PNPLA7: variants seen among roughly 807,000 people sequenced by gnomAD.
PNPLA7 encodes the protein patatin like domain 7, lysophospholipase.
Under a neutral mutation model 161.7 loss-of-function variants are expected in PNPLA7, and 153 were observed. The ratio of observed to expected loss-of-function variants is 0.95; its 90% CI spans 0.83 to 1.08. The LOEUF (loss-of-function observed/expected upper bound fraction) is 1.08, where lower values mean the gene tolerates loss of function less well. Ranked by LOEUF, PNPLA7 falls within the 50% of genes least tolerant of loss-of-function variation. PNPLA7 has a pLI of 0.00. For synonymous variants in PNPLA7, 809 were observed against 782.1 expected, an observed-to-expected ratio of 1.03 and a Z score of -0.57; for missense variants, 1,739 against 1,856.6, an observed-to-expected ratio of 0.94 and a Z score of 1.16.
At chr9:137,515,297 G>C (rs1834470429) in intron 12 of PNPLA7, 82 bp downstream of exon 12, 1 of 1,515,640 alleles carries the variant, frequency 6.6e-7, no homozygotes, top group Non-Finnish European at 8.9e-7. Flanking sequence ...GGCGATGCTG[G>C]GCATCAGTGC....
rs145413682 is a variant in PNPLA7 at position 137,462,710 on chromosome 9, C to T, written c.3467G>A (p.Trp1156Ter). 249 of 1,613,800 alleles carry T rather than the reference C, an allele frequency of 1.5e-4. 2 individuals carry two copies. The highest frequency in any genetic ancestry group is 5.0e-5 in the Admixed American group (3 of 59,990). Reference sequence around the variant, plus strand: ...CTTGACTTTCGTGGCCAAGGGGTTCCAGCGTTTCCACAGCAGCCACCACCC... The same window carrying T: ...CTTGACTTTCGTGGCCAAGGGGTTCTAGCGTTTCCACAGCAGCCACCACCC... ...LSGWWLLWKR[W>*]NPLATKVKVL... is the part of the protein sequence containing the mutation. The change falls in exon 30 of 35, where the codon TGG (tryptophan) becomes TAG (stop). Residue 1156 changes from tryptophan to a stop codon, truncating the protein, a stop_gained. Transcript: ENST00000406427. LOFTEE classifies it high-confidence loss of function.
chr9:137,477,694 C>T (rs781397467), intron 25 of PNPLA7, among the ~76,000 whole-genome samples: 8 of 152,236 alleles, frequency 5.3e-5, no homozygotes, highest in African/African-American at 1.2e-4. Flanking sequence ...CTGCCCGCCT[C>T]GGCCTCCCAA....
Position 137,550,254 on chromosome 9 carries a change from G to C in PNPLA7, c.-57C>G, listed in dbSNP as rs1006298499. 1 of 1,595,626 alleles carries C rather than the reference G, an allele frequency of 6.3e-7. No individual in the cohort carries two copies. Among genetic ancestry groups the C allele is most frequent in the Admixed American group, 1.7e-5 (1 of 59,976 alleles). On this transcript the variant is annotated 5_prime_UTR_variant, in exon 1 of 35. Transcript: ENST00000406427. ...AAAGCAGACAGCCTGAAGCAAACAA[G>C]GGCACACCTCTACCCGCTCATGCTC...
chr9:137,515,520 C>G lies in PNPLA7; in HGVS notation c.1085-1G>C, dbSNP rs1320397935. 6.5e-7 allele frequency: 1 copy of G among 1,548,770 alleles called. No homozygotes were observed. Among genetic ancestry groups the G allele is most frequent in the East Asian group, 2.3e-5 (1 of 43,186 alleles). ...GCTGCCGGGCGGCCGCCCCCGTGATCTGCTGGGGAGGCAGCCGTAAGCAAC... is the reference window on the plus strand; with the variant it reads ...GCTGCCGGGCGGCCGCCCCCGTGATGTGCTGGGGAGGCAGCCGTAAGCAAC... On this transcript the variant is annotated splice_acceptor_variant, in intron 11 of 34. Coordinates refer to ENST00000406427, the MANE Select transcript of PNPLA7 (RefSeq NM_001098537.3). LOFTEE classifies it high-confidence loss of function.
At position 137,500,848 on chromosome 9, in the gene PNPLA7, G is replaced by T. The variant is rs368728423; in HGVS notation, c.1600C>A (p.Arg534=). The T allele has an allele frequency of 1.9e-6, 3 of 1,595,898 alleles. No individual in the cohort carries two copies. Among genetic ancestry groups the T allele is most frequent in the Non-Finnish European group, 2.6e-6 (3 of 1,173,404 alleles). ...VVSGLLHVYQ[R]KIGSQEDTCL... is the part of the protein sequence containing the mutation. ...GTGTCCTCCTGGCTGCCGATCTTCC[G>T]CTGGTACACGTGCAGCAGCCCCGAG... Residue 534 remains arginine (R), a synonymous_variant, in exon 16 of 35, where the codon CGG becomes AGG. Coordinates refer to ENST00000406427, the MANE Select transcript of PNPLA7 (RefSeq NM_001098537.3). The surrounding 1 kb of genome is among the most constrained non-coding windows in gnomAD (Gnocchi z 5.5).
rs1367259219 is a variant in PNPLA7 at position 137,520,947 on chromosome 9, C to T, written c.957+689G>A. Among the ~76,000 whole-genome samples the T allele has an allele frequency of 2.6e-5, 4 of 151,462 alleles. No homozygotes were observed. The highest frequency in any genetic ancestry group is 5.9e-5 in the Non-Finnish European group (4 of 67,860). ...ATGGGGAGGGGCAGCCTCTGCTGGA[C>T]GCGGACGTAGGGACCCCACGGGACG... On this transcript the variant is annotated intron_variant, in intron 10 of 34. Coordinates refer to ENST00000406427, the MANE Select transcript of PNPLA7 (RefSeq NM_001098537.3). The surrounding 1 kb of genome is among the most constrained non-coding windows in gnomAD (Gnocchi z 5.2).
rs746420232 is a variant in PNPLA7 at position 137,463,458 on chromosome 9, G to A, written c.3300C>T (p.Asp1100=). ...AGCCCCCGTCCATCAGCAGGTGTCC[G>A]TCCTTCGGGTCACAGAGAGGGGGCA... The part of the protein sequence containing the change: ...GYMPPLCDPK[D]GHLLMDGGYI... The change falls in exon 29 of 35, where the codon GAC becomes GAT. Residue 1100 remains aspartate, a synonymous_variant. Coordinates refer to ENST00000406427, the MANE Select transcript of PNPLA7 (RefSeq NM_001098537.3). 2.8e-5 allele frequency: 44 copies of A among 1,597,754 alleles called. 2 individuals carry two copies. In the South Asian group the frequency reaches 2.9e-4, roughly 11 times the overall value.
At chr9:137,509,608 A>G in intron 12 of PNPLA7, 1 of 386,444 alleles carries the variant, frequency 2.6e-6, no homozygotes, top group South Asian at 1.9e-5. Context: ...AAATGAGTTT[A>G]GCTAGTATGA....
intron 33 of PNPLA7, chr9:137,461,316 G>A: frequency 3.9e-6 from 2 of 515,296 alleles, no homozygotes; most frequent in Non-Finnish European, 3.5e-6. Context: ...TGAATGAAGG[G>A]CAGGGGCTGG....
chr9:137,460,414 G>A lies in PNPLA7; in HGVS notation c.4008C>T (p.Gly1336=), dbSNP rs1588518283. ...PSLAFPKLSE[G]SSDQDG ...GCCTCTACCCGTCCTGGTCAGAGGA[G>A]CCCTCAGACAGTTTTGGGAAAGCCA... Residue 1336 remains glycine, a synonymous_variant, in exon 35 of 35, where the codon GGC becomes GGT. Coordinates refer to ENST00000406427, the MANE Select transcript of PNPLA7 (RefSeq NM_001098537.3). The A allele has an allele frequency of 6.2e-7, 1 of 1,612,632 alleles. No homozygotes were observed. The highest frequency in any genetic ancestry group is 2.2e-5 in the East Asian group (1 of 44,880).
rs370541391 is a variant in PNPLA7, at chr9:137,461,918, C to A, written c.3756+13G>T. ...TCCGGGGAGCTGGGCGTGGTCCGGA[C>A]GCCCGTACTCACCGCACTCGCGGGC... On this transcript the variant is annotated intron_variant, in intron 32 of 34. Transcript: ENST00000406427. 4.5e-6 allele frequency: 7 copies of A among 1,547,660 alleles called. No individual in the cohort carries two copies. The highest frequency in any genetic ancestry group is 5.2e-6 in the Non-Finnish European group (6 of 1,151,792).
chr9:137,461,909 T>G, intron 32 of PNPLA7, 22 bp downstream of exon 32: 1 of 1,528,912 alleles, frequency 6.5e-7, no homozygotes, highest in Non-Finnish European at 8.8e-7. Context: ...GAGCTGGGCG[T>G]GGTCCGGACG....
intron 8 of PNPLA7, among the ~76,000 whole-genome samples, chr9:137,531,500 G>A (rs1835580152): frequency 6.6e-6 from 1 of 152,136 alleles, no homozygotes; most frequent in Non-Finnish European, 1.5e-5. Flanking sequence ...GGCAGGCAGG[G>A]GTCCCCGAGG....
In PNPLA7 at chr9:137,537,737, G is replaced by C. The variant is rs554007987; in HGVS notation, c.747+2905C>G. 2.6e-5 allele frequency among the ~76,000 whole-genome samples: 4 copies of C among 152,120 alleles called. No individual in the cohort carries two copies. Among genetic ancestry groups the C allele is most frequent in the Non-Finnish European group, 4.4e-5 (3 of 68,034 alleles). On this transcript the variant is annotated intron_variant, in intron 8 of 34. Transcript: ENST00000406427. The surrounding 1 kb of genome is among the most constrained non-coding windows in gnomAD (Gnocchi z 4.5). ...GCAGCAGCTGAGAGGAACCCGGCCC[G>C]TCTCAGCGCACAGCTCCCCTCTCCT... is the stretch of plus-strand genomic sequence containing the variant.
chr9:137,490,148 C>T lies in PNPLA7; in HGVS notation c.2197+2865G>A, dbSNP rs145475686. Among the ~76,000 whole-genome samples, 19 of 152,298 alleles carry T rather than the reference C, an allele frequency of 1.2e-4. No individual in the cohort carries two copies. The South Asian group carries it at 1.7e-3, about 13-fold the overall frequency. Reference sequence around the variant, plus strand: ...TTGCTCTGTTGACCAGGCTGGACTGCGGTGGCGCGATCATAGCTCACTGTA... The same window carrying T: ...TTGCTCTGTTGACCAGGCTGGACTGTGGTGGCGCGATCATAGCTCACTGTA... On this transcript the variant is annotated intron_variant, in intron 20 of 34. Transcript: ENST00000406427. The surrounding 1 kb of genome is among the most constrained non-coding windows in gnomAD (Gnocchi z 4.1).
chr9:137,540,086 G>A lies in PNPLA7; in HGVS notation c.747+556C>T, dbSNP rs1836110328. ...GGTGTGAGCCACTGCGCCCGGCCCGGCAGCACCTTTCAAAATTACAAGTCT... is the reference window on the plus strand; with the variant it reads ...GGTGTGAGCCACTGCGCCCGGCCCGACAGCACCTTTCAAAATTACAAGTCT... On this transcript the variant is annotated intron_variant, in intron 8 of 34. Coordinates refer to ENST00000406427, the MANE Select transcript of PNPLA7 (RefSeq NM_001098537.3). This position sits in a 1 kb window ranked among gnomAD's most constrained non-coding sequence, Gnocchi z 5.1. Among the ~76,000 whole-genome samples, 1 of 152,136 alleles carries A rather than the reference G, an allele frequency of 6.6e-6. No homozygotes were observed. Among genetic ancestry groups the A allele is most frequent in the South Asian group, 2.1e-4 (1 of 4,830 alleles).
At chr9:137,502,316 A>G (rs1833479477) in intron 14 of PNPLA7, among the ~76,000 whole-genome samples, 2 of 152,154 alleles carry the variant, frequency 1.3e-5, no homozygotes, top group African/African-American at 4.8e-5. Context: ...CCCAGTCCAC[A>G]GTGATGATGA....
rs1265768628 is a variant in PNPLA7 at position 137,476,400 on chromosome 9, G to T, written c.2882+1634C>A. On this transcript the variant is annotated intron_variant, in intron 25 of 34. Transcript: ENST00000406427. This position sits in a 1 kb window ranked among gnomAD's most constrained non-coding sequence, Gnocchi z 4.5. ...GCTAACTAGTGATGGGACCACACTG[G>T]GATTGAGTGGAAAGGAGGGAGACAG... Among the ~76,000 whole-genome samples the T allele has an allele frequency of 6.6e-6, 1 of 152,044 alleles. No individual in the cohort carries two copies. The highest frequency in any genetic ancestry group is 2.4e-5 in the African/African-American group (1 of 41,380).
At chr9:137,474,760 C>G (rs1831861611) in intron 25 of PNPLA7, among the ~76,000 whole-genome samples, 1 of 151,568 alleles carries the variant, frequency 6.6e-6, no homozygotes, top group Non-Finnish European at 1.5e-5. Context: ...CGCCTGTAAT[C>G]CCAGCACTTT....
Sources: allele counts gnomAD v4.1 joint callset (sites outside exome capture counted in the v4.1 genomes callset), GRCh38; gene constraint gnomAD v4.1.1; non-coding constraint Gnocchi (gnomAD v3.1); transcripts MANE v1.5; gene names NCBI Gene and HGNC (gene_info 2026-07-23, HGNC 2026-07-21).